Variants in BLTP1 observed in about 807,000 individuals in gnomAD.
BLTP1 encodes fragile site-associated protein.
the BLTP1 span, among the ~76,000 whole-genome samples, chr4:122,178,818 A>T: frequency 6.6e-6 from 1 of 152,206 alleles, no homozygotes; most frequent in Non-Finnish European, 1.5e-5. Flanking sequence ...TAAAACAGTG[A>T]CTAGTACATA....
the BLTP1 span, chr4:122,239,734 A>C: frequency 1.2e-6 from 2 of 1,614,184 alleles, no homozygotes; most frequent in Non-Finnish European, 1.7e-6. Context: ...AGTGATGAGA[A>C]TGTACTAGAC....
At chr4:122,284,122 A>C in the BLTP1 span, among the ~76,000 whole-genome samples, 3 of 152,188 alleles carry the variant, frequency 2.0e-5, no homozygotes, top group Non-Finnish European at 4.4e-5. Context: ...GCATTTTTCT[A>C]AACTGTTGGT....
chr4:122,214,118 G>C, the BLTP1 span: 1 of 696,060 alleles, frequency 1.4e-6, no homozygotes, highest in Non-Finnish European at 1.8e-6. Flanking sequence ...TTTTCCTACT[G>C]TTTCTCTGAT....
At chr4:122,343,336 G>A in the BLTP1 span, 1 of 1,574,032 alleles carries the variant, frequency 6.4e-7, no homozygotes, top group Non-Finnish European at 8.6e-7. Flanking sequence ...GTCATGTCTG[G>A]TTCTTAAGAA....
chr4:122,163,790 A>G, the BLTP1 span, among the ~76,000 whole-genome samples: 3 of 152,224 alleles, frequency 2.0e-5, no homozygotes, highest in African/African-American at 4.8e-5. Flanking sequence ...GGTGAAGCAT[A>G]GTATAGAGTC....
At chr4:122,301,223 G>A in the BLTP1 span, 25 of 1,390,028 alleles carry the variant, frequency 1.8e-5, no homozygotes, top group Non-Finnish European at 2.2e-5. Flanking sequence ...ATTTTGTGAG[G>A]ATTTTTTTTT....
the BLTP1 span, among the ~76,000 whole-genome samples, chr4:122,283,369 GTTAT>G: frequency 6.6e-6 from 1 of 152,054 alleles, no homozygotes; most frequent in Non-Finnish European, 1.5e-5. Context: ...CATCTTAAGT[GTTAT>G]TTTTAATGTG....
At chr4:122,259,835 G>A in the BLTP1 span, 1 of 528,712 alleles carries the variant, frequency 1.9e-6, no homozygotes, top group Non-Finnish European at 2.4e-6. Context: ...CTCCAGCCTG[G>A]GCGACAGAGC....
At chr4:122,181,164 T>C in the BLTP1 span, 1 of 339,802 alleles carries the variant, frequency 2.9e-6, no homozygotes, top group Non-Finnish European at 4.2e-6. Context: ...CTGACAATCA[T>C]CTATAAAGCA....
At chr4:122,348,725 A>G in the BLTP1 span, 1 of 1,539,624 alleles carries the variant, frequency 6.5e-7, no homozygotes, top group South Asian at 1.2e-5. Flanking sequence ...AACGTAAGCT[A>G]TTCAGATACA....
the BLTP1 span, chr4:122,152,996 TG>T: frequency 1.0e-6 from 1 of 985,366 alleles, no homozygotes; most frequent in Non-Finnish European, 1.2e-6. Flanking sequence ...GGGGAAGCCT[TG>T]GAACAACCCC....
At chr4:122,167,592 C>A in the BLTP1 span, 9 of 896,572 alleles carry the variant, frequency 1.0e-5, no homozygotes, top group Non-Finnish European at 1.2e-5. Flanking sequence ...ATGTTCTTCT[C>A]CTTCCACTCA....
At chr4:122,195,703 T>G in the BLTP1 span, 1 of 800,636 alleles carries the variant, frequency 1.2e-6, no homozygotes, top group South Asian at 5.7e-5. Context: ...GGATTCTCTA[T>G]CCTTAATATT....
At chr4:122,162,774 A>C in the BLTP1 span, 2 of 490,470 alleles carry the variant, frequency 4.1e-6, no homozygotes, top group Non-Finnish European at 5.3e-6. Flanking sequence ...AAAAGGATGA[A>C]GTAAAAATGT....
the BLTP1 span, chr4:122,331,238 C>T: frequency 1.4e-6 from 2 of 1,466,452 alleles, no homozygotes; most frequent in Non-Finnish European, 1.8e-6. Flanking sequence ...TATTTACAGA[C>T]TGTTGCTCAC....
At chr4:122,179,804 C>T in the BLTP1 span, 1 of 976,450 alleles carries the variant, frequency 1.0e-6, no homozygotes, top group Non-Finnish European at 1.2e-6. Flanking sequence ...ATTGCATGCC[C>T]ACACAAGTGC....
chr4:122,281,296 T>C, the BLTP1 span: 2 of 979,266 alleles, frequency 2.0e-6, no homozygotes, highest in East Asian at 2.3e-4. Flanking sequence ...ATGATAAGAA[T>C]CACCTTCACA....
At chr4:122,212,984 G>C in the BLTP1 span, among the ~76,000 whole-genome samples, 1 of 152,016 alleles carries the variant, frequency 6.6e-6, no homozygotes, top group Non-Finnish European at 1.5e-5. Context: ...CCCAATGAAC[G>C]CTATGCTTCC....
chr4:122,200,578 C>CAAAACA, the BLTP1 span: 142 of 469,294 alleles, frequency 3.0e-4, 1 homozygote, highest in African/African-American at 6.9e-3. Context: ...GACTCCGTCT[C>CAAAACA]AAAACAAAAA....
Sources: allele counts gnomAD v4.1 joint callset (sites outside exome capture counted in the v4.1 genomes callset), GRCh38; gene constraint gnomAD v4.1.1; transcripts MANE v1.5; gene names NCBI Gene and HGNC (gene_info 2026-07-23, HGNC 2026-07-21).